The following SHROOM3 variants were observed in gnomAD, a reference collection of about 807,000 sequenced individuals.
The protein encoded by SHROOM3 is shroom family member 3.
A neutral mutation model predicts 138.6 loss-of-function variants in SHROOM3; 47 were observed. The observed-to-expected ratio is 0.34, with a 90% CI of 0.27 to 0.43. SHROOM3 has a LOEUF of 0.43. SHROOM3 is among the 20% of genes least tolerant of loss of function. The pLI is 1.00. For synonymous variants in SHROOM3, 1,062 were observed against 1,063.3 expected (o/e 1.00, Z 0.02); for missense variants, 2,491 against 2,596.5 (o/e 0.96, Z 0.88).
chr4:76,461,061 C>T (rs1450934612), intron 1 of SHROOM3, among the ~76,000 whole-genome samples: 1 of 151,320 alleles, frequency 6.6e-6, no homozygotes, highest in African/African-American at 2.4e-5. Flanking sequence ...TGTATTAGGG[C>T]ACATCATAAT....
rs772550938 is a variant in SHROOM3 at position 76,770,599 on chromosome 4, T to C, written c.5350-27T>C. On this transcript the variant is annotated intron_variant, in intron 9 of 10. Coordinates refer to ENST00000296043, the MANE Select transcript of SHROOM3 (RefSeq NM_020859.4). The stretch of plus-strand genomic sequence containing the variant: ...TCCACTGGCACCTCCTGTTGGCTGA[T>C]CTTTGCGGTCTTATCTGTCATTTCA... The C allele has an allele frequency of 3.1e-6, 5 of 1,612,510 alleles. No individual in the cohort carries two copies. The African/African-American group carries it at 4.0e-5, about 13-fold the overall frequency.
At chr4:76,665,957 C>T (rs1718681543) in intron 2 of SHROOM3, among the ~76,000 whole-genome samples, 1 of 152,198 alleles carries the variant, frequency 6.6e-6, no homozygotes, top group East Asian at 1.9e-4. Context: ...GCTGACCTAC[C>T]TGACCTGGCA....
intron 1 of SHROOM3, among the ~76,000 whole-genome samples, chr4:76,440,975 C>G (rs1433220435): frequency 6.6e-6 from 1 of 151,956 alleles, no homozygotes; most frequent in East Asian, 1.9e-4. Context: ...CAAGACTTGA[C>G]TCACTGACTC....
chr4:76,737,263 C>CTTT (rs973842428), intron 4 of SHROOM3, among the ~76,000 whole-genome samples: 1 of 130,908 alleles, frequency 7.6e-6, no homozygotes, highest in African/African-American at 2.8e-5. Flanking sequence ...CTTGACAGCT[C>CTTT]TTTTTTTTTT....
chr4:76,688,330 C>T, intron 2 of SHROOM3: 1 of 933,784 alleles, frequency 1.1e-6, no homozygotes, highest in Non-Finnish European at 1.3e-6. Context: ...GCTGCTAATG[C>T]TCCTGCATTC....
intron 1 of SHROOM3, among the ~76,000 whole-genome samples, chr4:76,452,387 C>T (rs974416677): frequency 3.9e-5 from 6 of 152,228 alleles, no homozygotes; most frequent in African/African-American, 1.4e-4. Flanking sequence ...TTCTCCATTC[C>T]TTCCAGTCCC....
chr4:76,751,249 T>C (rs1204595315), intron 6 of SHROOM3, among the ~76,000 whole-genome samples: 5 of 152,176 alleles, frequency 3.3e-5, no homozygotes, highest in Admixed American at 1.3e-4. Context: ...CTGGACAATA[T>C]TGAAATGTCA....
At chr4:76,489,878 GC>G (rs1446881296) in intron 1 of SHROOM3, among the ~76,000 whole-genome samples, 7 of 152,116 alleles carry the variant, frequency 4.6e-5, no homozygotes, top group Non-Finnish European at 8.8e-5. Context: ...TGGACAAAAC[GC>G]CCAGCAAAGC....
intron 2 of SHROOM3, among the ~76,000 whole-genome samples, chr4:76,591,784 C>G (rs1239731027): frequency 6.6e-6 from 1 of 150,810 alleles, no homozygotes; most frequent in African/African-American, 2.4e-5. Flanking sequence ...TGACTCATAC[C>G]CTCTTTGTGC....
intron 2 of SHROOM3, among the ~76,000 whole-genome samples, chr4:76,654,191 G>C (rs1736018156): frequency 1.3e-5 from 2 of 152,164 alleles, no homozygotes; most frequent in South Asian, 4.2e-4. Context: ...GCATAATTCA[G>C]TGTTGCAGTT....
chr4:76,728,974 TC>T (rs1350550316), intron 3 of SHROOM3, among the ~76,000 whole-genome samples: 2 of 152,166 alleles, frequency 1.3e-5, no homozygotes, highest in African/African-American at 4.8e-5. Context: ...TCATTTACCA[TC>T]CTTCTTTTTA....
intron 2 of SHROOM3, among the ~76,000 whole-genome samples, chr4:76,684,267 G>C (rs1719273270): frequency 6.6e-6 from 1 of 152,178 alleles, no homozygotes; most frequent in African/African-American, 2.4e-5. Flanking sequence ...GCTGACCTGA[G>C]TGACTGTTAT....
rs1156475992 is a variant in SHROOM3, at chr4:76,473,332, G to T, written c.168+37112G>T. 2.0e-5 allele frequency among the ~76,000 whole-genome samples: 3 copies of T among 152,164 alleles called. No homozygotes were observed. The South Asian group carries it at 6.2e-4, about 32-fold the overall frequency. The stretch of plus-strand genomic sequence containing the variant: ...TATGACTCAACAATGACAAGGCTGG[G>T]TGTGGTGGCTCATGCCTTTAATCCC... On this transcript the variant is annotated intron_variant, in intron 1 of 10. Coordinates refer to ENST00000296043, the MANE Select transcript of SHROOM3 (RefSeq NM_020859.4).
At chr4:76,758,452 G>A (rs1314027924) in intron 8 of SHROOM3, 2 of 122,610 alleles carry the variant, frequency 1.6e-5, no homozygotes, top group Non-Finnish European at 3.3e-5. Flanking sequence ...ACCTTCCTGG[G>A]GATTTAAAAA....
chr4:76,438,369 G>A (rs1466355300), intron 1 of SHROOM3, among the ~76,000 whole-genome samples: 4 of 152,150 alleles, frequency 2.6e-5, no homozygotes, highest in African/African-American at 9.7e-5. Context: ...TTCTTTCAAG[G>A]ATCCAATCTG....
chr4:76,541,563 T>A (rs73826266), intron 1 of SHROOM3, among the ~76,000 whole-genome samples: 1,842 of 151,240 alleles, frequency 0.012, 32 homozygotes, highest in African/African-American at 0.043. Context: ...CTTGGGGAAT[T>A]CATAAGAGGG....
chr4:76,764,933 A>G (rs1296612366), intron 9 of SHROOM3, among the ~76,000 whole-genome samples: 1 of 152,096 alleles, frequency 6.6e-6, no homozygotes, highest in Non-Finnish European at 1.5e-5. Context: ...TAATGCATTA[A>G]TCTTCTCCCT....
intron 4 of SHROOM3, among the ~76,000 whole-genome samples, chr4:76,736,562 AT>A (rs1339879019): frequency 2.6e-5 from 4 of 152,198 alleles, no homozygotes; most frequent in Non-Finnish European, 5.9e-5. Flanking sequence ...CACTACATTT[AT>A]TTACATGTAA....
chr4:76,696,403 A>G (rs1719730914), intron 2 of SHROOM3, among the ~76,000 whole-genome samples: 1 of 152,040 alleles, frequency 6.6e-6, no homozygotes, highest in Non-Finnish European at 1.5e-5. Flanking sequence ...TGCCTCCCCT[A>G]CTGAGCCAGG....
Sources: allele counts gnomAD v4.1 joint callset (sites outside exome capture counted in the v4.1 genomes callset), GRCh38; gene constraint gnomAD v4.1.1; transcripts MANE v1.5; gene names NCBI Gene and HGNC (gene_info 2026-07-23, HGNC 2026-07-21).